The following SOBP variants were observed in gnomAD, a reference collection of about 807,000 sequenced individuals.
SOBP encodes the protein sine oculis binding protein homolog.
SOBP carries 4 observed loss-of-function variants against 53.6 expected under a neutral mutation model. The ratio of observed to expected loss-of-function variants is 0.07; its 90% confidence interval spans 0.04 to 0.17. The LOEUF (loss-of-function observed/expected upper bound fraction) is 0.17, where lower values mean the gene tolerates loss of function less well. Ranked by LOEUF, SOBP falls within the 10% of genes least tolerant of loss-of-function variation. SOBP has a pLI of 1.00. For synonymous variants in SOBP, 584 were observed against 522.6 expected, an observed-to-expected ratio of 1.12 and a Z score of -1.60; for missense variants, 1,088 against 1,204.7, an observed-to-expected ratio of 0.90 and a Z score of 1.43.
chr6:107,506,207 T>C (rs745565572), intron 2 of SOBP, 35 bp from the exon 3 acceptor site: 5 of 1,591,454 alleles, frequency 3.1e-6, no homozygotes, highest in Non-Finnish European at 8.6e-7. Flanking sequence ...ATTACATTCC[T>C]TGGTCACATT....
chr6:107,550,251 G>T (rs1004810106), intron 4 of SOBP, among the ~76,000 whole-genome samples: 1 of 152,178 alleles, frequency 6.6e-6, no homozygotes, highest in Non-Finnish European at 1.5e-5. Flanking sequence ...TGTAAAACAA[G>T]CACATGAATC....
rs1782545622 is a variant in SOBP, at chr6:107,490,402, T to C, written c.-215T>C. The C allele has an allele frequency of 6.5e-6, 3 of 458,574 alleles. No individual in the cohort carries two copies. The highest frequency in any genetic ancestry group is 1.2e-5 in the Non-Finnish European group (3 of 251,558). 28.4% of individuals were successfully genotyped at this position (458,574 alleles called of 1,614,324 possible). On this transcript the variant is annotated 5_prime_UTR_variant, in exon 1 of 7. Transcript: ENST00000317357. ...TCCCCGAGACTCTCCGCACTATCCT[T>C]ACCCGTGACAGCCACTGACGTCCTC...
rs1782548602 is a variant in SOBP, at chr6:107,490,485, G to T, written c.-132G>T. 1.5e-6 allele frequency: 1 copy of T among 681,640 alleles called. No homozygotes were observed. The highest frequency in any genetic ancestry group is 2.6e-6 in the Non-Finnish European group (1 of 385,362). 42.2% of individuals were successfully genotyped at this position (681,640 alleles called of 1,614,324 possible). On this transcript the variant is annotated 5_prime_UTR_variant, in exon 1 of 7. Coordinates refer to ENST00000317357, the MANE Select transcript of SOBP (RefSeq NM_018013.4). ...TGCCCTCCCCCTCGCGGCTCGGTCC[G>T]GCCCCGCCAGCACCGCTACCTCCGC... is the stretch of plus-strand genomic sequence containing the variant.
At chr6:107,584,300 G>C (rs903181070) in intron 4 of SOBP, among the ~76,000 whole-genome samples, 3 of 151,790 alleles carry the variant, frequency 2.0e-5, no homozygotes, top group African/African-American at 7.3e-5. Context: ...TATGCAGCTG[G>C]GGTAGCGAAT....
intron 5 of SOBP, among the ~76,000 whole-genome samples, chr6:107,593,420 A>C (rs573302971): frequency 2.0e-5 from 3 of 152,264 alleles, no homozygotes; most frequent in South Asian, 2.1e-4. Flanking sequence ...TTTGGTTTTC[A>C]TGCTGGCTTC....
At chr6:107,495,991 GA>G (rs563976118) in intron 1 of SOBP, among the ~76,000 whole-genome samples, 49 of 147,188 alleles carry the variant, frequency 3.3e-4, no homozygotes, top group Admixed American at 1.8e-3. Flanking sequence ...GTTAGAAGAG[GA>G]AAAAAAAAAC....
chr6:107,492,992 TG>T (rs1324356710), intron 1 of SOBP, among the ~76,000 whole-genome samples: 3 of 152,176 alleles, frequency 2.0e-5, no homozygotes, highest in Admixed American at 2.0e-4. Context: ...ACTTAAAAAG[TG>T]GTTTCTCAAA....
Position 107,635,390 on chromosome 6 carries a change from T to C in SOBP, c.2546T>C (p.Met849Thr). The C allele has an allele frequency of 6.2e-7, 1 of 1,613,438 alleles. No homozygotes were observed. Among genetic ancestry groups the C allele is most frequent in the African/African-American group, 1.3e-5 (1 of 75,018 alleles). ...AMAPCIISSPMLSAGPEDLEP... is the reference protein window; with the variant it reads ...AMAPCIISSPTLSAGPEDLEP... ...GCACCGTGCATCATCTCCTCGCCCA[T>C]GCTCAGCGCCGGGCCTGAGGACCTG... Residue 849 changes from methionine (M) to threonine (T), a missense_variant, in exon 6 of 7, where the codon ATG becomes ACG. Transcript: ENST00000317357. The surrounding 1 kb of genome is among the most constrained non-coding windows in gnomAD (Gnocchi z 4.5).
chr6:107,524,061 A>G (rs1015646178), intron 3 of SOBP, among the ~76,000 whole-genome samples: 2 of 152,254 alleles, frequency 1.3e-5, no homozygotes, highest in Non-Finnish European at 2.9e-5. Context: ...AGAAGGGGAA[A>G]TGAGCCCTTT....
chr6:107,648,216 A>G (rs1439023506), intron 6 of SOBP, among the ~76,000 whole-genome samples: 1 of 152,184 alleles, frequency 6.6e-6, no homozygotes, highest in East Asian at 1.9e-4. Context: ...GAGAAGTAAC[A>G]CACTTAATCT....
intron 5 of SOBP, among the ~76,000 whole-genome samples, chr6:107,601,170 G>C (rs1324466831): frequency 6.6e-6 from 1 of 152,174 alleles, no homozygotes; most frequent in Non-Finnish European, 1.5e-5. Flanking sequence ...GCTCAGTTGA[G>C]TTCCTCTCTG....
chr6:107,504,167 T>C (rs1678518223), intron 2 of SOBP, among the ~76,000 whole-genome samples: 1 of 152,242 alleles, frequency 6.6e-6, no homozygotes. Flanking sequence ...AGTGAAATGT[T>C]AGGTTTAGAT....
intron 3 of SOBP, among the ~76,000 whole-genome samples, chr6:107,513,712 A>G (rs1327054630): frequency 6.7e-6 from 1 of 149,666 alleles, no homozygotes; most frequent in East Asian, 2.0e-4. Context: ...TTTATGTACC[A>G]GATGCAATTC....
intron 5 of SOBP, among the ~76,000 whole-genome samples, chr6:107,625,981 T>G (rs1770443067): frequency 6.6e-6 from 1 of 152,206 alleles, no homozygotes; most frequent in East Asian, 1.9e-4. Context: ...CCTGCAACTT[T>G]TCTTAAACTC....
Position 107,653,298 on chromosome 6 carries a change from T to G in SOBP, c.*4-4909T>G, listed in dbSNP as rs146868315. On this transcript the variant is annotated intron_variant, in intron 6 of 6. Transcript: ENST00000317357. ...TATCAGCTAGTGCAGGCGGCTCTGT[T>G]CATTGACCGCAGGGCTCTACCCTTG... Among the ~76,000 whole-genome samples, 864 of 152,324 alleles carry G rather than the reference T, an allele frequency of 5.7e-3. 4 individuals are homozygous for G. The highest frequency in any genetic ancestry group is 8.3e-3 in the Non-Finnish European group (567 of 68,026).
chr6:107,631,153 A>G (rs1187971739), intron 5 of SOBP, among the ~76,000 whole-genome samples: 1 of 152,222 alleles, frequency 6.6e-6, no homozygotes, highest in Non-Finnish European at 1.5e-5. Context: ...CAAATAATTC[A>G]ATCTGGCAAT....
chr6:107,513,145 C>G (rs904174886), intron 3 of SOBP, among the ~76,000 whole-genome samples: 1 of 152,144 alleles, frequency 6.6e-6, no homozygotes, highest in South Asian at 2.1e-4. Context: ...AACATAAGAT[C>G]GATCCCCTAA....
chr6:107,593,558 A>C (rs1332045468), intron 5 of SOBP, among the ~76,000 whole-genome samples: 4 of 152,232 alleles, frequency 2.6e-5, no homozygotes, highest in African/African-American at 4.8e-5. Flanking sequence ...CAGATGTGCT[A>C]GCTGTGCACT....
intron 4 of SOBP, among the ~76,000 whole-genome samples, chr6:107,568,580 C>G (rs1784980798): frequency 6.6e-6 from 1 of 152,214 alleles, no homozygotes. Context: ...CCTGCTGCTC[C>G]TCTGCTACCT....
Sources: allele counts gnomAD v4.1 joint callset (sites outside exome capture counted in the v4.1 genomes callset), GRCh38; gene constraint gnomAD v4.1.1; non-coding constraint Gnocchi (gnomAD v3.1); transcripts MANE v1.5; gene names NCBI Gene and HGNC (gene_info 2026-07-23, HGNC 2026-07-21).